The following KANSL1L variants were observed in gnomAD, a reference collection of about 807,000 sequenced individuals.
KANSL1L encodes the protein KAT8 regulatory NSL complex subunit 1-like protein.
A neutral mutation model predicts 108.6 loss-of-function variants in KANSL1L; 25 were observed. The observed-to-expected ratio is 0.23, with a 90% CI of 0.17 to 0.32. The LOEUF is 0.32. Among genes scored for constraint, KANSL1L ranks in the 10% least tolerant of loss-of-function variants. The probability of loss-of-function intolerance (pLI) is 1.00; values close to 1 mark genes in which losing one functional copy is unlikely to be tolerated. For synonymous variants in KANSL1L, 405 were observed against 395.1 expected (o/e 1.03, Z -0.30); for missense variants, 1,137 against 1,125.7 (o/e 1.01, Z -0.14).
intron 5 of KANSL1L, among the ~76,000 whole-genome samples, chr2:210,079,646 A>ATATATATATATATGTATGTG (rs2094570359): frequency 5.3e-4 from 7 of 13,112 alleles, no homozygotes; most frequent in Non-Finnish European, 7.8e-4. Flanking sequence ...ATATATATAT[A>ATATATATATATATGTATGTG]TATATATATA....
chr2:210,137,919 T>C (rs545538019), intron 2 of KANSL1L, among the ~76,000 whole-genome samples: 18 of 152,158 alleles, frequency 1.2e-4, no homozygotes, highest in Non-Finnish European at 2.1e-4. Flanking sequence ...TAGTCCCAGA[T>C]ACTTGGGAGG....
chr2:210,061,160 T>C (rs1285152937), intron 6 of KANSL1L, among the ~76,000 whole-genome samples: 3 of 152,250 alleles, frequency 2.0e-5, no homozygotes, highest in African/African-American at 4.8e-5. Context: ...TAAAATCTTA[T>C]AATACAATAA....
intron 4 of KANSL1L, among the ~76,000 whole-genome samples, chr2:210,100,158 C>T (rs563698430): frequency 8.5e-4 from 129 of 152,180 alleles, no homozygotes; most frequent in Non-Finnish European, 1.1e-3. Flanking sequence ...ATTAGATTCT[C>T]ATAGCAGCGC....
chr2:210,159,402 T>A (rs1435555904), intron 1 of KANSL1L, among the ~76,000 whole-genome samples: 2 of 152,192 alleles, frequency 1.3e-5, no homozygotes, highest in Non-Finnish European at 2.9e-5. Context: ...AGCTTCAGCC[T>A]CTTGGTTCAT....
Position 210,028,975 on chromosome 2 carries a change from A to G in KANSL1L, c.2272-6T>C, listed in dbSNP as rs572953793. 2.0e-5 allele frequency: 32 copies of G among 1,606,792 alleles called. No homozygotes were observed. Among genetic ancestry groups the G allele is most frequent in the Middle Eastern group, 1.7e-4 (1 of 6,058 alleles). On this transcript the variant is annotated splice_polypyrimidine_tract_variant and splice_region_variant and intron_variant, in intron 10 of 14. Transcript: ENST00000281772. Reference sequence around the variant, plus strand: ...AATCTCCGTCGTGCAGTATTCTGCAAAACAGGATTACAGTAGATTTACAGT... The same window carrying G: ...AATCTCCGTCGTGCAGTATTCTGCAGAACAGGATTACAGTAGATTTACAGT...
chr2:210,061,169 A>T (rs1447012325), intron 6 of KANSL1L, among the ~76,000 whole-genome samples: 2 of 152,246 alleles, frequency 1.3e-5, no homozygotes, highest in African/African-American at 4.8e-5. Context: ...ATAATACAAT[A>T]AGTAGACTGC....
At chr2:210,165,176 T>TAA (rs200062505) in intron 1 of KANSL1L, among the ~76,000 whole-genome samples, 1 of 141,308 alleles carries the variant, frequency 7.1e-6, no homozygotes, top group Non-Finnish European at 1.5e-5. Context: ...CCAATTTTAC[T>TAA]AAAAAAAAAA....
At chr2:210,028,994 T>A in intron 10 of KANSL1L, 25 bp from the exon 11 acceptor site, 1 of 1,594,080 alleles carries the variant, frequency 6.3e-7, no homozygotes, top group South Asian at 1.1e-5. Context: ...TACAGTAGAT[T>A]TACAGTACTG....
At position 210,024,116 on chromosome 2, in the gene KANSL1L, C is replaced by G. The variant is rs145827684; in HGVS notation, c.2650G>C (p.Ala884Pro). 6.8e-6 allele frequency: 11 copies of G among 1,609,496 alleles called. No individual in the cohort carries two copies. The highest frequency in any genetic ancestry group is 1.7e-5 in the Admixed American group (1 of 59,504). Residue 884 changes from alanine (A) to proline (P), a missense_variant, in exon 14 of 15, where the codon GCA (alanine) becomes CCA (proline). Physicochemically the swap from Ala to Pro is conservative, Grantham distance 27. Around this residue, in one of 3 missense-constraint regions of KANSL1L, gnomAD observed 575 missense variants for 567.1 expected, o/e 1.01. Coordinates refer to ENST00000281772, the MANE Select transcript of KANSL1L (RefSeq NM_152519.4). ...TCTGAAGGAAGCCCAGGAGGACTTG[C>G]AGCAGCACATTGCTGACTGCTACTG... ...NFSSSQQCAAASPPGLPSENQ... is the reference protein window; with the variant it reads ...NFSSSQQCAAPSPPGLPSENQ...
At chr2:210,060,711 AGAAGAG>A (rs1383420027) in intron 6 of KANSL1L, among the ~76,000 whole-genome samples, 3 of 152,204 alleles carry the variant, frequency 2.0e-5, no homozygotes, top group African/African-American at 7.2e-5. Context: ...TATGGAAATA[AGAAGAG>A]GAAAAGAAAA....
At chr2:210,076,023 G>A (rs764974147) in intron 5 of KANSL1L, among the ~76,000 whole-genome samples, 96 of 152,176 alleles carry the variant, frequency 6.3e-4, no homozygotes, top group Middle Eastern at 3.4e-3. Flanking sequence ...GTTTACTAGT[G>A]TAATGTAATT....
chr2:210,111,740 A>G (rs1162016421), intron 3 of KANSL1L, among the ~76,000 whole-genome samples: 1 of 151,696 alleles, frequency 6.6e-6, no homozygotes, highest in Non-Finnish European at 1.5e-5. Context: ...AAAAAATTTT[A>G]TTATTATTAT....
intron 5 of KANSL1L, among the ~76,000 whole-genome samples, chr2:210,087,825 AT>A (rs2094652044): frequency 6.6e-6 from 1 of 152,210 alleles, no homozygotes; most frequent in Non-Finnish European, 1.5e-5. Context: ...TCTAATTCAG[AT>A]TGCCGTGCAG....
chr2:210,149,048 G>GGA (rs2095284634), intron 2 of KANSL1L, among the ~76,000 whole-genome samples: 1 of 151,960 alleles, frequency 6.6e-6, no homozygotes, highest in Non-Finnish European at 1.5e-5. Flanking sequence ...ATTCATGGGG[G>GGA]GAGGGGGTCT....
intron 5 of KANSL1L, among the ~76,000 whole-genome samples, chr2:210,090,769 G>A (rs886441685): frequency 3.3e-5 from 5 of 152,160 alleles, no homozygotes; most frequent in Admixed American, 6.6e-5. Context: ...CCGGGCTCAA[G>A]CCATTCTCCT....
chr2:210,071,903 C>T (rs1290474328), intron 6 of KANSL1L, among the ~76,000 whole-genome samples: 1 of 152,082 alleles, frequency 6.6e-6, no homozygotes, highest in Non-Finnish European at 1.5e-5. Context: ...TGGTACCATT[C>T]CAGAAGGGAA....
intron 6 of KANSL1L, among the ~76,000 whole-genome samples, chr2:210,049,269 T>C (rs1464499268): frequency 6.6e-6 from 1 of 152,170 alleles, no homozygotes; most frequent in East Asian, 1.9e-4. Flanking sequence ...GGATTCTTAG[T>C]ATGTTTCTCT....
rs373707205 is a variant in KANSL1L, at chr2:210,135,124, T to C, written c.1089-5952A>G. ...ATATGGCCCATTCTTTTTTTTCCCA[T>C]TGGGAATTTTCCTTGTCCTTTATAC... On this transcript the variant is annotated intron_variant, in intron 2 of 14. Coordinates refer to ENST00000281772, the MANE Select transcript of KANSL1L (RefSeq NM_152519.4). Among the ~76,000 whole-genome samples, 254 of 152,212 alleles carry C rather than the reference T, an allele frequency of 1.7e-3. 1 individual carries two copies. The highest frequency in any genetic ancestry group is 6.8e-3 in the Middle Eastern group (2 of 294).
At chr2:210,115,885 C>T (rs1346479954) in intron 3 of KANSL1L, among the ~76,000 whole-genome samples, 1 of 152,194 alleles carries the variant, frequency 6.6e-6, no homozygotes, top group Non-Finnish European at 1.5e-5. Context: ...GAATAGAAGC[C>T]TCCAGCAATT....
Sources: allele counts gnomAD v4.1 joint callset (sites outside exome capture counted in the v4.1 genomes callset), GRCh38; gene constraint gnomAD v4.1.1; regional missense constraint gnomAD v4.1.1; transcripts MANE v1.5; gene names NCBI Gene and HGNC (gene_info 2026-07-23, HGNC 2026-07-21).